DENND1A: variants seen among roughly 807,000 people sequenced by gnomAD.
The protein encoded by DENND1A is DENN domain-containing protein 1A.
DENND1A carries 51 observed loss-of-function variants against 113.7 expected under a neutral mutation model. The observed-to-expected ratio is 0.45, with a 90% confidence interval of 0.36 to 0.57. The LOEUF (loss-of-function observed/expected upper bound fraction) is 0.57, where lower values mean the gene tolerates loss of function less well. Among genes scored for constraint, DENND1A ranks in the 20% least tolerant of loss-of-function variants. DENND1A has a pLI of 0.00. For missense variants in DENND1A, 1,258 were observed against 1,395.9 expected, an observed-to-expected ratio of 0.90 and a Z score of 1.57; for synonymous variants, 565 against 570.8, an observed-to-expected ratio of 0.99 and a Z score of 0.14.
intron 19 of DENND1A, among the ~76,000 whole-genome samples, chr9:123,416,256 G>A (rs28427049): frequency 6.6e-6 from 1 of 151,890 alleles, no homozygotes; most frequent in Non-Finnish European, 1.5e-5. Context: ...CCTCTTTCAC[G>A]CTGGTGCTCC....
intron 8 of DENND1A, among the ~76,000 whole-genome samples, chr9:123,663,611 G>A (rs2063351987): frequency 6.6e-6 from 1 of 151,858 alleles, no homozygotes; most frequent in African/African-American, 2.4e-5. Context: ...ATCAAACACT[G>A]GAGGGAGAGT....
intron 3 of DENND1A, among the ~76,000 whole-genome samples, chr9:123,773,585 T>C (rs12338104): frequency 0.072 from 10,891 of 152,258 alleles, 548 homozygotes; most frequent in African/African-American, 0.14. Flanking sequence ...CTAGACTAAT[T>C]CACCCTGACC....
At chr9:123,397,304 G>A (rs1324179853) in intron 21 of DENND1A, among the ~76,000 whole-genome samples, 4 of 152,202 alleles carry the variant, frequency 2.6e-5, no homozygotes, top group Admixed American at 6.5e-5. Flanking sequence ...ATAAGTGTGT[G>A]CAACCAAGAC....
intron 8 of DENND1A, among the ~76,000 whole-genome samples, chr9:123,665,131 G>C (rs1278242418): frequency 1.3e-5 from 2 of 152,114 alleles, no homozygotes; most frequent in Non-Finnish European, 2.9e-5. Context: ...AAAATCACAG[G>C]CTCAAAGTAT....
chr9:123,594,777 C>G (rs562024530), intron 11 of DENND1A, among the ~76,000 whole-genome samples: 1 of 152,232 alleles, frequency 6.6e-6, no homozygotes, highest in South Asian at 2.1e-4. Flanking sequence ...TTCCACTACA[C>G]AGCATGCACA....
chr9:123,835,917 T>C (rs1840989714), intron 2 of DENND1A, among the ~76,000 whole-genome samples: 1 of 152,058 alleles, frequency 6.6e-6, no homozygotes, highest in African/African-American at 2.4e-5. Context: ...AAAAGTGAGA[T>C]GGTTAGGGGT....
chr9:123,397,996 G>A (rs900090274), intron 21 of DENND1A, among the ~76,000 whole-genome samples: 1 of 152,236 alleles, frequency 6.6e-6, no homozygotes, highest in Non-Finnish European at 1.5e-5. Context: ...AGGAGACAAG[G>A]TGTGCAGTCG....
intron 1 of DENND1A, among the ~76,000 whole-genome samples, chr9:123,901,937 C>CAA (rs1851703631): frequency 6.6e-6 from 1 of 152,050 alleles, no homozygotes; most frequent in Non-Finnish European, 1.5e-5. Flanking sequence ...ACCCGGGAGA[C>CAA]AGAGCTTGCA....
chr9:123,738,284 A>G (rs1427730562), intron 5 of DENND1A, among the ~76,000 whole-genome samples: 1 of 152,212 alleles, frequency 6.6e-6, no homozygotes, highest in Non-Finnish European at 1.5e-5. Context: ...ACCTGAAGAT[A>G]AATAATCATC....
chr9:123,652,682 TC>T (rs1172402276), intron 8 of DENND1A, among the ~76,000 whole-genome samples: 2 of 152,292 alleles, frequency 1.3e-5, no homozygotes, highest in Non-Finnish European at 2.9e-5. Context: ...TGGTATCCCC[TC>T]CTTCACAGTT....
chr9:123,439,219 G>T (rs1400979135), intron 19 of DENND1A, among the ~76,000 whole-genome samples: 2 of 152,204 alleles, frequency 1.3e-5, no homozygotes, highest in Non-Finnish European at 2.9e-5. Context: ...TCACCCTGTG[G>T]ATTCTTCTTT....
intron 5 of DENND1A, among the ~76,000 whole-genome samples, chr9:123,695,595 G>C (rs1020426975): frequency 1.3e-5 from 2 of 152,138 alleles, no homozygotes; most frequent in Non-Finnish European, 2.9e-5. Context: ...CCTTTGCTGG[G>C]TCCTGGGGCT....
Position 123,381,143 on chromosome 9 carries a change from A to G in DENND1A, c.*289T>C. ...CGGTCTGGAGCAATATCATTGGCCCAGCTGACCTCTTTAGTGCAAAACCCA... is the reference window on the plus strand; with the variant it reads ...CGGTCTGGAGCAATATCATTGGCCCGGCTGACCTCTTTAGTGCAAAACCCA... On this transcript the variant is annotated 3_prime_UTR_variant, in exon 24 of 24. Transcript: ENST00000394215. This position sits in a 1 kb window ranked among gnomAD's most constrained non-coding sequence, Gnocchi z 4.7. 4.6e-6 allele frequency: 2 copies of G among 438,196 alleles called. No homozygotes were observed. Among genetic ancestry groups the G allele is most frequent in the East Asian group, 9.1e-5 (2 of 21,956 alleles). The allele number at this position is 438,196 out of a possible 1,614,324, so 27.1% of individuals were successfully genotyped here.
intron 9 of DENND1A, 53 bp from the exon 10 acceptor site, chr9:123,630,529 G>T: frequency 8.1e-7 from 1 of 1,234,546 alleles, no homozygotes; most frequent in Non-Finnish European, 1.1e-6. Flanking sequence ...AGGAGACACC[G>T]CCATTTGATT....
At chr9:123,918,785 C>T (rs1037061585) in intron 1 of DENND1A, among the ~76,000 whole-genome samples, 1 of 152,050 alleles carries the variant, frequency 6.6e-6, no homozygotes. Flanking sequence ...GTGATAGAAA[C>T]AAAATATCAC....
intron 5 of DENND1A, among the ~76,000 whole-genome samples, chr9:123,696,986 A>C (rs910589802): frequency 6.6e-6 from 1 of 152,206 alleles, no homozygotes; most frequent in African/African-American, 2.4e-5. Flanking sequence ...CATCTTACAA[A>C]ATACCTGCCA....
chr9:123,873,360 A>AT (rs1232179526), intron 2 of DENND1A, among the ~76,000 whole-genome samples: 1 of 152,226 alleles, frequency 6.6e-6, no homozygotes, highest in Non-Finnish European at 1.5e-5. Context: ...GACAGATCAC[A>AT]TGCCCTTCCA....
chr9:123,843,565 T>C (rs201924351), intron 2 of DENND1A: 7,960 of 142,348 alleles, frequency 0.056, 184 homozygotes, highest in African/African-American at 0.13. Context: ...GGAGAAAGAC[T>C]ATGGCAGGTA....
intron 13 of DENND1A, among the ~76,000 whole-genome samples, chr9:123,556,069 G>A (rs746311754): frequency 6.6e-6 from 1 of 152,202 alleles, no homozygotes; most frequent in Admixed American, 6.5e-5. Context: ...ATCGTGACAA[G>A]TAATCAGAGC....
Sources: gnomAD v4.1 joint callset for allele counts (sites outside exome capture counted in the v4.1 genomes callset) on GRCh38, gnomAD v4.1.1 for gene constraint, Gnocchi (gnomAD v3.1) non-coding constraint, MANE v1.5 for transcripts, NCBI Gene and HGNC (gene_info 2026-07-23, HGNC 2026-07-21) for gene names.